PCDH9: variants seen among roughly 807,000 people sequenced by gnomAD.
The protein encoded by PCDH9 is protocadherin 9, also known as protocadherin-9.
A neutral mutation model predicts 70.6 loss-of-function variants in PCDH9; 24 were observed. The observed-to-expected ratio is 0.34, with a 90% confidence interval of 0.25 to 0.48. The LOEUF is 0.48. PCDH9 is among the 20% of genes least tolerant of loss of function. The pLI is 0.99. For missense variants in PCDH9, 1,281 were observed against 1,503.6 expected (o/e 0.85, Z 2.45); for synonymous variants, 562 against 558.5 (o/e 1.01, Z -0.09).
chr13:66,477,775 C>G (rs1958761127), intron 4 of PCDH9, among the ~76,000 whole-genome samples: 1 of 152,164 alleles, frequency 6.6e-6, no homozygotes, highest in Admixed American at 6.5e-5. Context: ...GGATTAGCTT[C>G]AAGAAAAGAT....
At chr13:66,733,701 C>A (rs1300363387) in intron 3 of PCDH9, among the ~76,000 whole-genome samples, 2 of 144,434 alleles carry the variant, frequency 1.4e-5, no homozygotes, top group Admixed American at 1.4e-4. Context: ...ACGACATTAA[C>A]ACTTTGAAGG....
At chr13:66,569,053 G>C (rs2076695644) in intron 4 of PCDH9, among the ~76,000 whole-genome samples, 1 of 127,240 alleles carries the variant, frequency 7.9e-6, no homozygotes, top group African/African-American at 3.0e-5. Context: ...CCAGGCTAGA[G>C]ATCCGTGGCA....
intron 2 of PCDH9, among the ~76,000 whole-genome samples, chr13:67,138,135 C>G (rs1451175256): frequency 6.6e-6 from 1 of 152,040 alleles, no homozygotes; most frequent in African/African-American, 2.4e-5. Flanking sequence ...GTTTTGAATT[C>G]TATCTTTACT....
intron 3 of PCDH9, among the ~76,000 whole-genome samples, chr13:66,891,181 A>G (rs1340696876): frequency 1.3e-5 from 2 of 152,032 alleles, no homozygotes; most frequent in Non-Finnish European, 2.9e-5. Flanking sequence ...GCAAACTACC[A>G]CCATTTGTTT....
At chr13:66,771,047 C>T (rs9571666) in intron 3 of PCDH9, among the ~76,000 whole-genome samples, 56,664 of 151,914 alleles carry the variant, frequency 0.37, 10,853 homozygotes, top group East Asian at 0.57. Flanking sequence ...TATGTCTTCA[C>T]AGCACTCATC....
intron 3 of PCDH9, among the ~76,000 whole-genome samples, chr13:66,898,769 T>C (rs1183421769): frequency 6.6e-6 from 1 of 152,076 alleles, no homozygotes; most frequent in African/African-American, 2.4e-5. Context: ...ATTTTATTAT[T>C]TAAAAGTAGC....
At position 66,515,350 on chromosome 13, in the gene PCDH9, G is replaced by A. The variant is rs545879736; in HGVS notation, c.3340+115860C>T. 1.2e-3 allele frequency among the ~76,000 whole-genome samples: 177 copies of A among 152,048 alleles called. 1 individual carries two copies. Among genetic ancestry groups the A allele is most frequent in the African/African-American group, 4.2e-3 (173 of 41,526 alleles). ...TTACTTATATGTTTAGTAACTATAT[G>A]TGAATCAGTTAAACTTATTTGTACA... On this transcript the variant is annotated intron_variant, in intron 4 of 4. Coordinates refer to ENST00000377865, the MANE Select transcript of PCDH9 (RefSeq NM_203487.3).
chr13:67,125,075 G>C (rs1232488389), intron 2 of PCDH9, among the ~76,000 whole-genome samples: 1 of 152,140 alleles, frequency 6.6e-6, no homozygotes, highest in Non-Finnish European at 1.5e-5. Context: ...ACTTCTGACT[G>C]GGCAAGTCTT....
At chr13:67,020,238 G>A (rs1223236227) in intron 2 of PCDH9, among the ~76,000 whole-genome samples, 1 of 152,100 alleles carries the variant, frequency 6.6e-6, no homozygotes, top group Non-Finnish European at 1.5e-5. Flanking sequence ...TTATTAATTT[G>A]TGTGATACTT....
chr13:67,159,395 A>G (rs1290987152), intron 2 of PCDH9, among the ~76,000 whole-genome samples: 2 of 152,204 alleles, frequency 1.3e-5, no homozygotes, highest in African/African-American at 4.8e-5. Context: ...AAAGAATGAC[A>G]TGACTTGAAG....
At chr13:66,489,711 C>T (rs1037606763) in intron 4 of PCDH9, among the ~76,000 whole-genome samples, 10 of 152,048 alleles carry the variant, frequency 6.6e-5, no homozygotes, top group African/African-American at 1.7e-4. Flanking sequence ...CTGTATATGC[C>T]TAGTTTGTAG....
intron 4 of PCDH9, among the ~76,000 whole-genome samples, chr13:66,545,465 T>C (rs1961143300): frequency 6.6e-6 from 1 of 152,224 alleles, no homozygotes; most frequent in Non-Finnish European, 1.5e-5. Flanking sequence ...TCTGATAAAA[T>C]TTGGCTTTTA....
At chr13:67,137,475 A>G (rs978320973) in intron 2 of PCDH9, among the ~76,000 whole-genome samples, 1 of 152,192 alleles carries the variant, frequency 6.6e-6, no homozygotes, top group Admixed American at 6.6e-5. Context: ...AGATGAAAAT[A>G]TAGCATGAAT....
chr13:66,762,393 C>T (rs1218335096), intron 3 of PCDH9, among the ~76,000 whole-genome samples: 1 of 151,998 alleles, frequency 6.6e-6, no homozygotes, highest in African/African-American at 2.4e-5. Flanking sequence ...TAGGTGTCTG[C>T]CTGGTGCTAG....
intron 3 of PCDH9, among the ~76,000 whole-genome samples, chr13:66,882,376 A>C (rs2081936273): frequency 6.6e-6 from 1 of 152,162 alleles, no homozygotes. Context: ...ACAAAACTTT[A>C]TGCCACAGTT....
At chr13:66,682,534 G>C (rs987124660) in intron 3 of PCDH9, among the ~76,000 whole-genome samples, 3 of 151,934 alleles carry the variant, frequency 2.0e-5, no homozygotes, top group African/African-American at 7.3e-5. Flanking sequence ...TTTCGGAGTT[G>C]AGTCCACCCA....
intron 4 of PCDH9, among the ~76,000 whole-genome samples, chr13:66,397,100 A>G (rs888558220): frequency 3.9e-5 from 6 of 152,158 alleles, no homozygotes; most frequent in African/African-American, 1.4e-4. Flanking sequence ...CCCTGTGTCT[A>G]AAAACGGTAA....
chr13:67,062,032 A>G lies in PCDH9; in HGVS notation c.3037-158427T>C, dbSNP rs569118105. 1.8e-4 allele frequency among the ~76,000 whole-genome samples: 28 copies of G among 152,268 alleles called. 1 individual carries two copies. In the South Asian group the frequency reaches 5.8e-3, roughly 32 times the overall value. ...TTTTGAGGAGGAAGGAAAAAGAGTA[A>G]AGTACTCTAGCAGTTTCAGCTGGTG... On this transcript the variant is annotated intron_variant, in intron 2 of 4. Coordinates refer to ENST00000377865, the MANE Select transcript of PCDH9 (RefSeq NM_203487.3).
rs530659661 is a variant in PCDH9, at chr13:67,225,540, G to A, written c.2901C>T (p.Leu967=). 2 of 1,614,166 alleles carry A rather than the reference G, an allele frequency of 1.2e-6. No homozygotes were observed. The highest frequency in any genetic ancestry group is 1.7e-5 in the Admixed American group (1 of 60,022). The change falls in exon 2 of 5, where the codon CTC becomes CTT. Residue 967 remains leucine (L), a synonymous_variant. Coordinates refer to ENST00000377865, the MANE Select transcript of PCDH9 (RefSeq NM_203487.3). ...SVKKHHVIQE[L]PLDNTFVGGC... is the part of the protein sequence containing the mutation. ...CCCCAACAAAGGTGTTGTCCAAAGG[G>A]AGTTCCTGAATCACGTGGTGCTTTT...
Sources: gnomAD v4.1 joint callset for allele counts (sites outside exome capture counted in the v4.1 genomes callset) on GRCh38, gnomAD v4.1.1 for gene constraint, MANE v1.5 for transcripts, NCBI Gene and HGNC (gene_info 2026-07-23, HGNC 2026-07-21) for gene names.